SLC8A3: variants seen among roughly 807,000 people sequenced by gnomAD.
The protein encoded by SLC8A3 is sodium/calcium exchanger 3.
SLC8A3 carries 37 observed loss-of-function variants against 65.4 expected under a neutral mutation model. The ratio of observed to expected loss-of-function variants is 0.57; its 90% CI spans 0.44 to 0.74. The LOEUF (loss-of-function observed/expected upper bound fraction) is 0.74. SLC8A3 is among the 30% of genes least tolerant of loss of function. The pLI, the probability that SLC8A3 is intolerant of heterozygous loss-of-function variation, is 0.00. For synonymous variants in SLC8A3, 461 were observed against 444.5 expected, an observed-to-expected ratio of 1.04 and a Z score of -0.47; for missense variants, 1,112 against 1,172.1, an observed-to-expected ratio of 0.95 and a Z score of 0.75.
At chr14:70,063,221 C>CT (rs919553328) in intron 2 of SLC8A3, among the ~76,000 whole-genome samples, 25 of 152,208 alleles carry the variant, frequency 1.6e-4, no homozygotes, top group African/African-American at 5.5e-4. Context: ...CAAACCTGTA[C>CT]TTTCAGCTTC....
At chr14:70,133,506 G>T (rs1199336319) in intron 2 of SLC8A3, among the ~76,000 whole-genome samples, 1 of 152,188 alleles carries the variant, frequency 6.6e-6, no homozygotes, top group Non-Finnish European at 1.5e-5. Flanking sequence ...GTGCATTGAG[G>T]CTGCAGGAAA....
chr14:70,176,114 T>A (rs8020010), intron 1 of SLC8A3, among the ~76,000 whole-genome samples: 24,312 of 152,180 alleles, frequency 0.16, 2,294 homozygotes, highest in Admixed American at 0.25. Context: ...ATTCTGTGAT[T>A]CAAAGATGCC....
At chr14:70,094,622 C>T (rs1241700159) in intron 2 of SLC8A3, among the ~76,000 whole-genome samples, 2 of 152,216 alleles carry the variant, frequency 1.3e-5, no homozygotes, top group African/African-American at 4.8e-5. Flanking sequence ...TATACTCCTT[C>T]CCAGCATGGG....
chr14:70,100,647 T>C (rs1180432284), intron 2 of SLC8A3, among the ~76,000 whole-genome samples: 1 of 152,216 alleles, frequency 6.6e-6, no homozygotes, highest in Admixed American at 6.5e-5. Flanking sequence ...CACTGATATT[T>C]ATTAAGGGCA....
chr14:70,082,998 G>A (rs764655176), intron 2 of SLC8A3, among the ~76,000 whole-genome samples: 2 of 152,100 alleles, frequency 1.3e-5, no homozygotes, highest in Non-Finnish European at 2.9e-5. Context: ...GGAAACAGGG[G>A]CAGGAAGGAG....
chr14:70,140,619 G>A (rs953785209), intron 2 of SLC8A3, among the ~76,000 whole-genome samples: 1 of 152,282 alleles, frequency 6.6e-6, no homozygotes, highest in East Asian at 1.9e-4. Flanking sequence ...CTGTAAAATA[G>A]TAATAGTACC....
intron 2 of SLC8A3, among the ~76,000 whole-genome samples, chr14:70,070,863 G>A (rs1156879040): frequency 6.6e-6 from 1 of 152,152 alleles, no homozygotes; most frequent in Non-Finnish European, 1.5e-5. Context: ...GATTTGGAAC[G>A]GTTGCTTTCC....
intron 1 of SLC8A3, among the ~76,000 whole-genome samples, chr14:70,173,953 T>A (rs1338650991): frequency 6.6e-6 from 1 of 152,258 alleles, no homozygotes; most frequent in Non-Finnish European, 1.5e-5. Context: ...TGATATTAAA[T>A]GTTTTTCTTG....
chr14:70,067,585 G>A (rs1889576006), intron 2 of SLC8A3, among the ~76,000 whole-genome samples: 1 of 152,160 alleles, frequency 6.6e-6, no homozygotes, highest in Non-Finnish European at 1.5e-5. Flanking sequence ...TAACACACTT[G>A]AGACTTCGTA....
At chr14:70,174,953 G>A (rs57419247) in intron 1 of SLC8A3, among the ~76,000 whole-genome samples, 4 of 152,180 alleles carry the variant, frequency 2.6e-5, no homozygotes, top group Non-Finnish European at 5.9e-5. Flanking sequence ...TGTTGCAGTC[G>A]TATGTGAGAT....
At chr14:70,058,850 C>T (rs1246612398) in intron 3 of SLC8A3, among the ~76,000 whole-genome samples, 1 of 152,142 alleles carries the variant, frequency 6.6e-6, no homozygotes, top group African/African-American at 2.4e-5. Context: ...ATCTAAGTAG[C>T]TTGGACTGTG....
intron 1 of SLC8A3, among the ~76,000 whole-genome samples, chr14:70,176,451 T>C (rs1017624747): frequency 6.6e-6 from 1 of 152,194 alleles, no homozygotes; most frequent in Non-Finnish European, 1.5e-5. Context: ...TAAATACTTA[T>C]GTTTTTGAAA....
At chr14:70,099,492 T>C (rs1892418898) in intron 2 of SLC8A3, among the ~76,000 whole-genome samples, 1 of 152,214 alleles carries the variant, frequency 6.6e-6, no homozygotes, top group African/African-American at 2.4e-5. Context: ...CTTTATCTCA[T>C]TGAGTCTCAG....
chr14:70,100,126 A>G (rs1048084882), intron 2 of SLC8A3, among the ~76,000 whole-genome samples: 2 of 152,218 alleles, frequency 1.3e-5, no homozygotes. Flanking sequence ...AAATGAGTTC[A>G]AAAGCCCTGA....
intron 2 of SLC8A3, among the ~76,000 whole-genome samples, chr14:70,118,354 T>C (rs1011210269): frequency 5.9e-5 from 9 of 152,222 alleles, no homozygotes; most frequent in African/African-American, 1.7e-4. Flanking sequence ...TGCGTTCTTT[T>C]CTTATTCTGG....
chr14:70,134,885 A>G (rs1160243953), intron 2 of SLC8A3, among the ~76,000 whole-genome samples: 2 of 152,328 alleles, frequency 1.3e-5, no homozygotes, highest in African/African-American at 2.4e-5. Flanking sequence ...GTACCTCAGA[A>G]TGTGACCTTA....
intron 1 of SLC8A3, among the ~76,000 whole-genome samples, chr14:70,184,922 C>G (rs1250033088): frequency 1.3e-5 from 2 of 151,884 alleles, no homozygotes; most frequent in Non-Finnish European, 2.9e-5. Context: ...GGCAAAGCAA[C>G]CAGGCTTAAG....
chr14:70,189,264 G>T (rs117562992), upstream of SLC8A3, among the ~76,000 whole-genome samples: 1,178 of 151,808 alleles, frequency 7.8e-3, 23 homozygotes, highest in East Asian at 0.074. Context: ...CCTGGCGCCC[G>T]CGCCTCCCGG....
intron 2 of SLC8A3, among the ~76,000 whole-genome samples, chr14:70,069,053 A>C (rs1472813551): frequency 2.6e-5 from 4 of 152,234 alleles, no homozygotes; most frequent in Admixed American, 1.3e-4. Flanking sequence ...ATGAGAAAAC[A>C]GATGCTCAAA....
Sources: allele counts gnomAD v4.1 joint callset (sites outside exome capture counted in the v4.1 genomes callset), GRCh38; gene constraint gnomAD v4.1.1; transcripts MANE v1.5; gene names NCBI Gene and HGNC (gene_info 2026-07-23, HGNC 2026-07-21).